The following MTHFS variants were observed in gnomAD, a reference collection of about 807,000 sequenced individuals.
MTHFS encodes the protein 5-formyltetrahydrofolate cyclo-ligase.
A neutral mutation model predicts 12.7 loss-of-function variants in MTHFS; 7 were observed. The observed-to-expected ratio is 0.55, with a 90% confidence interval of 0.31 to 1.03. The LOEUF (loss-of-function observed/expected upper bound fraction) is 1.03, where lower values mean the gene tolerates loss of function less well. Ranked by LOEUF, MTHFS falls within the 50% of genes least tolerant of loss-of-function variation. The probability of loss-of-function intolerance (pLI) is 0.05; values close to 1 mark genes in which losing one functional copy is unlikely to be tolerated. For synonymous variants in MTHFS, 100 were observed against 97.1 expected, an observed-to-expected ratio of 1.03 and a Z score of -0.18; for missense variants, 252 against 258.1, an observed-to-expected ratio of 0.98 and a Z score of 0.16.
chr15:79,852,063 C>T (rs2033725884), intron 2 of MTHFS, among the ~76,000 whole-genome samples: 1 of 152,214 alleles, frequency 6.6e-6, no homozygotes, highest in Admixed American at 6.5e-5. Context: ...GCCTACTCCT[C>T]AGGCCACGTG....
intron 2 of MTHFS, among the ~76,000 whole-genome samples, chr15:79,874,114 C>G (rs1227420889): frequency 2.0e-5 from 3 of 152,178 alleles, no homozygotes; most frequent in Non-Finnish European, 4.4e-5. Context: ...CAACTACTAT[C>G]TAAATCACTG....
chr15:79,860,883 C>T lies in MTHFS; in HGVS notation c.380-15441G>A, dbSNP rs540260765. On this transcript the variant is annotated intron_variant, in intron 2 of 2. Coordinates refer to ENST00000258874, the MANE Select transcript of MTHFS (RefSeq NM_006441.4). ...GGTATGTTTCCTTCTGATACAACCT[C>T]ATGGCAAACCACTATTCAAAGTTAA... Among the ~76,000 whole-genome samples the T allele has an allele frequency of 5.9e-5, 9 of 152,330 alleles. No individual in the cohort carries two copies. The East Asian group carries it at 1.7e-3, about 29-fold the overall frequency.
intron 2 of MTHFS, among the ~76,000 whole-genome samples, chr15:79,881,020 G>T (rs1222314914): frequency 6.6e-6 from 1 of 152,078 alleles, no homozygotes; most frequent in Non-Finnish European, 1.5e-5. Context: ...TTAAGGTTCA[G>T]AGCAATAAAC....
chr15:79,883,730 TAGTC>T (rs2034336590), intron 2 of MTHFS, among the ~76,000 whole-genome samples: 1 of 152,148 alleles, frequency 6.6e-6, no homozygotes, highest in South Asian at 2.1e-4. Context: ...ACAACACAAT[TAGTC>T]AGTACTGTAA....
chr15:79,885,433 G>C (rs1240368948), intron 2 of MTHFS, among the ~76,000 whole-genome samples: 1 of 152,170 alleles, frequency 6.6e-6, no homozygotes, highest in African/African-American at 2.4e-5. Context: ...CAGCATTGGT[G>C]AGTTTAGTTT....
chr15:79,860,404 G>A lies in MTHFS; in HGVS notation c.380-14962C>T, dbSNP rs968959939. On this transcript the variant is annotated intron_variant, in intron 2 of 2. Transcript: ENST00000258874. The stretch of plus-strand genomic sequence containing the variant: ...ACTCCATCTCAAAAAAAAAAAAATG[G>A]ATACAAATTATTTGCAGCATACATG... 3.4e-4 allele frequency among the ~76,000 whole-genome samples: 52 copies of A among 151,678 alleles called. 2 individuals are homozygous for A. The highest frequency in any genetic ancestry group is 1.8e-4 in the Non-Finnish European group (12 of 67,910).
At chr15:79,862,445 G>A (rs2033933092) in intron 2 of MTHFS, among the ~76,000 whole-genome samples, 1 of 152,138 alleles carries the variant, frequency 6.6e-6, no homozygotes, top group Non-Finnish European at 1.5e-5. Flanking sequence ...CTTTTGCAAG[G>A]AGAAACTGAA....
chr15:79,867,258 G>GA (rs1345152825), intron 2 of MTHFS, among the ~76,000 whole-genome samples: 1 of 151,518 alleles, frequency 6.6e-6, no homozygotes, highest in African/African-American at 2.4e-5. Flanking sequence ...TATAAATGAA[G>GA]AACAATTCTT....
chr15:79,843,729 T>C lies in MTHFS; in HGVS notation c.*1481A>G, dbSNP rs898455424. On this transcript the variant is annotated 3_prime_UTR_variant, in exon 3 of 3. Transcript: ENST00000258874. The stretch of plus-strand genomic sequence containing the variant: ...GTACTAAGCATAAGAAGTATAAAGA[T>C]CACTTCTTTTCTTTGGAGCTCACAG... The C allele has an allele frequency of 2.6e-5, 4 of 152,238 alleles. No individual in the cohort carries two copies. Among genetic ancestry groups the C allele is most frequent in the Non-Finnish European group, 5.9e-5 (4 of 68,044 alleles). 9.4% of individuals were successfully genotyped at this position (152,238 alleles called of 1,614,324 possible).
Position 79,845,069 on chromosome 15 carries a change from T to A in MTHFS, c.*141A>T. On this transcript the variant is annotated 3_prime_UTR_variant, in exon 3 of 3. Coordinates refer to ENST00000258874, the MANE Select transcript of MTHFS (RefSeq NM_006441.4). ...TTTTTAAAGATGGTTTTATATAAGG[T>A]ATTTCATAATTACAATTTTAAAATG... 9.2e-7 allele frequency: 1 copy of A among 1,082,800 alleles called. No homozygotes were observed. Among genetic ancestry groups the A allele is most frequent in the Admixed American group, 2.8e-5 (1 of 35,370 alleles). 67.1% of individuals were successfully genotyped at this position (1,082,800 alleles called of 1,614,324 possible).
chr15:79,891,765 C>T lies in MTHFS; in HGVS notation c.118-2411G>A, dbSNP rs1335888206. Among the ~76,000 whole-genome samples, 3 of 151,874 alleles carry T rather than the reference C, an allele frequency of 2.0e-5. No individual in the cohort carries two copies. The East Asian group carries it at 5.8e-4, about 29-fold the overall frequency. On this transcript the variant is annotated intron_variant, in intron 1 of 2. Coordinates refer to ENST00000258874, the MANE Select transcript of MTHFS (RefSeq NM_006441.4). The stretch of plus-strand genomic sequence containing the variant: ...GGTAGATCATCTGAGGTCAGGAGTT[C>T]GAGGCCAGCCTGACCAACATGGTAA...
rs2033577853 is a variant in MTHFS at position 79,844,690 on chromosome 15, A to G, written c.*520T>C. Among the ~76,000 whole-genome samples, 1 of 152,210 alleles carries G rather than the reference A, an allele frequency of 6.6e-6. No individual in the cohort carries two copies. The highest frequency in any genetic ancestry group is 1.9e-4 in the East Asian group (1 of 5,206). On this transcript the variant is annotated 3_prime_UTR_variant, in exon 3 of 3. Transcript: ENST00000258874. ...CTCCACTAACCACCAAAAGCTACAA[A>G]GTGTCCAACATAAAATTCTAGAGTG... is the stretch of plus-strand genomic sequence containing the variant.
intron 2 of MTHFS, among the ~76,000 whole-genome samples, chr15:79,848,738 T>C (rs934180824): frequency 6.6e-6 from 1 of 152,232 alleles, no homozygotes; most frequent in Non-Finnish European, 1.5e-5. Flanking sequence ...CCCTGTACTT[T>C]GATCACAGCT....
chr15:79,879,303 T>C (rs1017467726), intron 2 of MTHFS, among the ~76,000 whole-genome samples: 1 of 151,140 alleles, frequency 6.6e-6, no homozygotes, highest in African/African-American at 2.4e-5. Context: ...TTTTGTGTTT[T>C]ACCTTTAAAT....
At chr15:79,870,215 G>A (rs114541605) in intron 2 of MTHFS, among the ~76,000 whole-genome samples, 4 of 152,284 alleles carry the variant, frequency 2.6e-5, no homozygotes, top group East Asian at 1.9e-4. Context: ...CAGACTAGTT[G>A]TCTAGAACAC....
intron 2 of MTHFS, among the ~76,000 whole-genome samples, chr15:79,863,286 C>A (rs921317442): frequency 6.6e-6 from 1 of 152,198 alleles, no homozygotes; most frequent in African/African-American, 2.4e-5. Flanking sequence ...TTGGGACAGC[C>A]TGTCCTCCTT....
intron 2 of MTHFS, among the ~76,000 whole-genome samples, chr15:79,859,928 G>C (rs1254184923): frequency 1.4e-5 from 2 of 146,858 alleles, no homozygotes; most frequent in East Asian, 4.0e-4. Flanking sequence ...AAAATACTAA[G>C]ATAAAATGAT....
intron 2 of MTHFS, 31 bp from the exon 3 acceptor site, chr15:79,845,473 T>C: frequency 6.3e-7 from 1 of 1,598,334 alleles, no homozygotes; most frequent in Non-Finnish European, 8.5e-7. Flanking sequence ...TTTAAGAGGA[T>C]TAATTGTTTC....
rs772991299 is a variant in MTHFS, at chr15:79,896,908, C to G, written c.81G>C (p.Glu27Asp). Residue 27 changes from glutamate to aspartate, a missense_variant, in exon 1 of 3, where the codon GAG becomes GAC. Physicochemically the swap from Glu to Asp is conservative, Grantham distance 45. Transcript: ENST00000258874. Reference sequence around the variant, plus strand: ...GTACGCGGGACTGGCGTAGCCGCTCCTCGGCACTCATCGCCCGCAGACGCT... The same window carrying G: ...GTACGCGGGACTGGCGTAGCCGCTCGTCGGCACTCATCGCCCGCAGACGCT... ...LKQRLRAMSA[E>D]ERLRQSRVLS... The G allele has an allele frequency of 6.5e-7, 1 of 1,542,798 alleles. No individual in the cohort carries two copies. Among genetic ancestry groups the G allele is most frequent in the Non-Finnish European group, 8.7e-7 (1 of 1,146,280 alleles).
Sources: gnomAD v4.1 joint callset for allele counts (sites outside exome capture counted in the v4.1 genomes callset) on GRCh38, gnomAD v4.1.1 for gene constraint, MANE v1.5 for transcripts, NCBI Gene and HGNC (gene_info 2026-07-23, HGNC 2026-07-21) for gene names.